The following TMEM183A variants were observed in gnomAD, a reference collection of about 807,000 sequenced individuals.
TMEM183A encodes the protein chromosome 1 open reading frame 37.
TMEM183A carries 21 observed loss-of-function variants against 46.7 expected under a neutral mutation model. That is an observed-to-expected ratio of 0.45 (90% CI 0.32 to 0.65). TMEM183A has a LOEUF of 0.65. Ranked by LOEUF, TMEM183A falls within the 30% of genes least tolerant of loss-of-function variation. TMEM183A has a pLI of 0.04. For synonymous variants in TMEM183A, 165 were observed against 180.2 expected, an observed-to-expected ratio of 0.92 and a Z score of 0.68; for missense variants, 331 against 481.9, an observed-to-expected ratio of 0.69 and a Z score of 2.93.
chr1:203,017,243 A>G (rs1312683126), intron 5 of TMEM183A, among the ~76,000 whole-genome samples: 1 of 151,962 alleles, frequency 6.6e-6, no homozygotes, highest in Non-Finnish European at 1.5e-5. Flanking sequence ...ATCTTCTCAC[A>G]TTTACAGTGT....
intron 6 of TMEM183A, among the ~76,000 whole-genome samples, chr1:203,019,350 T>TC (rs1258328869): frequency 3.9e-5 from 6 of 152,216 alleles, no homozygotes; most frequent in Non-Finnish European, 7.3e-5. Context: ...GAGTAAATCT[T>TC]GAGTGGATCC....
chr1:203,017,269 C>G (rs537425449), intron 5 of TMEM183A, among the ~76,000 whole-genome samples: 3 of 152,030 alleles, frequency 2.0e-5, no homozygotes, highest in African/African-American at 7.2e-5. Flanking sequence ...TCCCCCAAAA[C>G]ATTTGATAGT....
chr1:203,007,529 G>A lies in TMEM183A; in HGVS notation c.64G>A (p.Gly22Arg). The part of the protein sequence containing the change: ...RPDTVAMPKR[G>R]KRLKFRAHDA... Reference sequence around the variant, plus strand: ...CGATACGGTCGCCATGCCCAAGAGAGGAAAGCGACTCAAGTTCCGGGCCCA... The same window carrying A: ...CGATACGGTCGCCATGCCCAAGAGAAGAAAGCGACTCAAGTTCCGGGCCCA... Residue 22 changes from glycine (G) to arginine (R), a missense_variant, in exon 1 of 8, where the codon GGA becomes AGA. Gly to Arg is a moderately radical substitution (Grantham distance 125). This residue lies in a region of TMEM183A where 98 missense variants were observed against 96.1 expected (regional missense o/e 1.02). Coordinates refer to ENST00000367242, the MANE Select transcript of TMEM183A (RefSeq NM_138391.6). 2 of 1,545,230 alleles carry A rather than the reference G, an allele frequency of 1.3e-6. No homozygotes were observed. Among genetic ancestry groups the A allele is most frequent in the Admixed American group, 1.9e-5 (1 of 52,020 alleles).
At chr1:203,014,624 CA>C (rs71142584) in intron 3 of TMEM183A, among the ~76,000 whole-genome samples, 76,944 of 147,674 alleles carry the variant, frequency 0.52, 19,951 homozygotes, top group Middle Eastern at 0.61. Context: ...GACTCTGTCC[CA>C]AAAAAAAAAA....
At position 203,011,016 on chromosome 1, in the gene TMEM183A, A is replaced by T. The variant is rs180928320; in HGVS notation, c.367+2206A>T. ...TTTTCAAGGTTCATCCATACTATGCATGTATCAGTATCTCATTCTTTTTTA... is the reference window on the plus strand; with the variant it reads ...TTTTCAAGGTTCATCCATACTATGCTTGTATCAGTATCTCATTCTTTTTTA... On this transcript the variant is annotated intron_variant, in intron 3 of 7. Coordinates refer to ENST00000367242, the MANE Select transcript of TMEM183A (RefSeq NM_138391.6). 1.0e-3 allele frequency among the ~76,000 whole-genome samples: 158 copies of T among 152,348 alleles called. 1 individual carries two copies. The highest frequency in any genetic ancestry group is 9.5e-3 in the Admixed American group (145 of 15,304).
intron 3 of TMEM183A, among the ~76,000 whole-genome samples, chr1:203,012,235 T>TCACACA (rs56743654): frequency 0.14 from 10,967 of 80,696 alleles, 1,493 homozygotes; most frequent in Non-Finnish European, 0.14. Context: ...CCCCACTCCA[T>TCACACA]CACACACACA....
chr1:203,014,073 C>T (rs1159771260), intron 3 of TMEM183A, among the ~76,000 whole-genome samples: 2 of 152,154 alleles, frequency 1.3e-5, no homozygotes, highest in African/African-American at 4.8e-5. Flanking sequence ...ATCTTAAAGT[C>T]AATTTTGTTT....
chr1:203,020,011 G>C (rs113690864), intron 6 of TMEM183A, among the ~76,000 whole-genome samples: 2,005 of 150,642 alleles, frequency 0.013, 48 homozygotes, highest in African/African-American at 0.048. Context: ...GGGGTGGGGT[G>C]GGGGGTGCGG....
At chr1:203,009,597 T>A (rs914280076) in intron 3 of TMEM183A, among the ~76,000 whole-genome samples, 1 of 152,168 alleles carries the variant, frequency 6.6e-6, no homozygotes, top group Admixed American at 6.5e-5. Context: ...TCCCCCCATC[T>A]TAGCCTTTTG....
At position 203,008,625 on chromosome 1, in the gene TMEM183A, C is replaced by T; in HGVS notation, c.200-18C>T. 2 of 1,513,078 alleles carry T rather than the reference C, an allele frequency of 1.3e-6. No individual in the cohort carries two copies. The highest frequency in any genetic ancestry group is 1.8e-4 in the Middle Eastern group (1 of 5,490). 93.7% of individuals were successfully genotyped at this position (1,513,078 alleles called of 1,614,324 possible). ...GTGGAGCTGTGTGCCATCTCATTCT[C>T]CTTTTATTTTCTTCTAGTAAAATCT... On this transcript the variant is annotated intron_variant, in intron 2 of 7. Coordinates refer to ENST00000367242, the MANE Select transcript of TMEM183A (RefSeq NM_138391.6).
chr1:203,020,076 T>C (rs1657523868), intron 6 of TMEM183A, among the ~76,000 whole-genome samples: 3 of 152,166 alleles, frequency 2.0e-5, no homozygotes, highest in Admixed American at 6.5e-5. Flanking sequence ...AGTATCTCAC[T>C]GATGAGACAC....
At chr1:203,021,194 A>C (rs1458412253) in intron 7 of TMEM183A, among the ~76,000 whole-genome samples, 1 of 151,798 alleles carries the variant, frequency 6.6e-6, no homozygotes, top group Admixed American at 6.6e-5. Flanking sequence ...CACCACCCCT[A>C]GCTAATTTTT....
chr1:203,022,891 C>A lies in TMEM183A; in HGVS notation c.982C>A (p.Arg328=), dbSNP rs769418163. 1.9e-6 allele frequency: 3 copies of A among 1,613,544 alleles called. No homozygotes were observed. Among genetic ancestry groups the A allele is most frequent in the Non-Finnish European group, 2.5e-6 (3 of 1,179,812 alleles). Residue 328 remains arginine (R), a synonymous_variant, in exon 8 of 8, where the codon CGA becomes AGA. Transcript: ENST00000367242. Reference sequence around the variant, plus strand: ...TGTGAGCACGGACATGCGGCATCATCGAGTGAGACTGGTGTTCCAAGATTC... The same window carrying A: ...TGTGAGCACGGACATGCGGCATCATAGAGTGAGACTGGTGTTCCAAGATTC... ...INVSTDMRHH[R]VRLVFQDSPV...
Position 203,015,007 on chromosome 1 carries a change from T to G in TMEM183A, c.486T>G (p.Thr162=). Residue 162 remains threonine, a synonymous_variant, in exon 4 of 8, where the codon ACT becomes ACG. Transcript: ENST00000367242. ...CCCTGATTTGTAAGAATGCCTGGACTGTCACTTGCACTGCTGCCTTTTGGA... is the reference window on the plus strand; with the variant it reads ...CCCTGATTTGTAAGAATGCCTGGACGGTCACTTGCACTGCTGCCTTTTGGA... The part of the protein sequence containing the change: ...NFSLICKNAW[T]VTCTAAFWTR... The G allele has an allele frequency of 6.2e-7, 1 of 1,613,692 alleles. No homozygotes were observed. Among genetic ancestry groups the G allele is most frequent in the Non-Finnish European group, 8.5e-7 (1 of 1,179,954 alleles).
chr1:203,020,629 A>G (rs555520157), intron 6 of TMEM183A, among the ~76,000 whole-genome samples, 164 bp from the exon 7 acceptor site: 10 of 152,282 alleles, frequency 6.6e-5, no homozygotes, highest in African/African-American at 2.4e-4. Flanking sequence ...CCCTTCTTTC[A>G]AAGGGTAGGT....
chr1:203,008,492 T>A (rs569196741), intron 2 of TMEM183A, 151 bp from the exon 3 acceptor site: 3 of 634,280 alleles, frequency 4.7e-6, no homozygotes, highest in South Asian at 1.6e-4. Context: ...TACTAAAATC[T>A]TTATTTTTTT....
intron 4 of TMEM183A, 160 bp from the exon 5 acceptor site, chr1:203,015,800 G>A (rs1423919178): frequency 1.0e-5 from 9 of 859,806 alleles, no homozygotes; most frequent in South Asian, 7.7e-5. Flanking sequence ...AGGCAAAGAC[G>A]TAAAAGTCGC....
chr1:203,007,945 T>C, intron 2 of TMEM183A, 82 bp downstream of exon 2: 1 of 1,544,034 alleles, frequency 6.5e-7, no homozygotes, highest in South Asian at 1.2e-5. Context: ...TGCAGTCCTT[T>C]AGTCGTCTTC....
chr1:203,022,454 G>A (rs1466515381), intron 7 of TMEM183A, among the ~76,000 whole-genome samples: 3 of 152,082 alleles, frequency 2.0e-5, no homozygotes, highest in African/African-American at 7.2e-5. Context: ...TGTAATCCCA[G>A]CACTTTGGGA....
Sources: gnomAD v4.1 joint callset for allele counts (sites outside exome capture counted in the v4.1 genomes callset) on GRCh38, gnomAD v4.1.1 for gene constraint, gnomAD v4.1.1 regional missense constraint, MANE v1.5 for transcripts, NCBI Gene and HGNC (gene_info 2026-07-23, HGNC 2026-07-21) for gene names.